SDK1: variants seen among roughly 807,000 people sequenced by gnomAD.
The protein encoded by SDK1 is protein sidekick-1.
In SDK1, 157 loss-of-function variants were observed where a neutral mutation model predicts 245.5. That is an observed-to-expected ratio of 0.64 (90% CI 0.56 to 0.73). The LOEUF is 0.73. Among genes scored for constraint, SDK1 ranks in the 30% least tolerant of loss-of-function variants. The probability of loss-of-function intolerance (pLI) is 0.00; values close to 1 mark genes in which losing one functional copy is unlikely to be tolerated. For missense variants in SDK1, 3,583 were observed against 3,002.3 expected (o/e 1.19, Z -4.52); for synonymous variants, 1,647 against 1,278.5 (o/e 1.29, Z -6.15).
chr7:3,732,566 T>C (rs1242266904), intron 4 of SDK1, among the ~76,000 whole-genome samples: 1 of 152,250 alleles, frequency 6.6e-6, no homozygotes, highest in Non-Finnish European at 1.5e-5. Context: ...ATAATTACAC[T>C]TTTGTTCTCT....
At chr7:3,583,703 C>A (rs1486983504) in intron 1 of SDK1, among the ~76,000 whole-genome samples, 13 of 151,984 alleles carry the variant, frequency 8.6e-5, no homozygotes, top group Admixed American at 8.5e-4. Context: ...GTCCCAGGTG[C>A]CCCCTGAGAG....
chr7:3,855,251 C>G (rs73036457), intron 5 of SDK1, among the ~76,000 whole-genome samples: 4,788 of 151,910 alleles, frequency 0.032, 115 homozygotes, highest in Non-Finnish European at 0.044. Flanking sequence ...AGATGAGCAC[C>G]ACACCAAGAA....
intron 39 of SDK1, among the ~76,000 whole-genome samples, chr7:4,220,515 GTTTTT>G (rs34675135): frequency 1.0e-4 from 14 of 140,538 alleles, no homozygotes; most frequent in African/African-American, 1.9e-4. Context: ...AGTTTTAGTT[GTTTTT>G]TTTTTTTTTT....
At chr7:3,372,504 C>T (rs1378825409) in intron 1 of SDK1, among the ~76,000 whole-genome samples, 1 of 152,216 alleles carries the variant, frequency 6.6e-6, no homozygotes, top group African/African-American at 2.4e-5. Context: ...GCCTCTTACC[C>T]TGTGTAACTA....
At chr7:3,802,663 G>A (rs1213739535) in intron 4 of SDK1, among the ~76,000 whole-genome samples, 1 of 152,084 alleles carries the variant, frequency 6.6e-6, no homozygotes, top group Non-Finnish European at 1.5e-5. Flanking sequence ...TTTTCCATCT[G>A]TACAGTTTTC....
intron 1 of SDK1, among the ~76,000 whole-genome samples, chr7:3,411,043 G>C (rs1280218983): frequency 6.6e-6 from 1 of 152,090 alleles, no homozygotes; most frequent in African/African-American, 2.4e-5. Context: ...TTTAAATCGT[G>C]TAAGAAGAGC....
intron 5 of SDK1, among the ~76,000 whole-genome samples, chr7:3,904,115 A>G (rs1781884871): frequency 6.6e-6 from 1 of 152,228 alleles, no homozygotes; most frequent in Admixed American, 6.5e-5. Flanking sequence ...AAGTAACACA[A>G]AACAGACTGA....
chr7:4,066,636 C>T (rs1779919184), intron 19 of SDK1, among the ~76,000 whole-genome samples: 1 of 152,212 alleles, frequency 6.6e-6, no homozygotes, highest in African/African-American at 2.4e-5. Context: ...TCCTCTCCTC[C>T]CTCCCCATCA....
intron 11 of SDK1, among the ~76,000 whole-genome samples, chr7:3,971,203 G>C (rs141838119): frequency 6.6e-6 from 1 of 152,228 alleles, no homozygotes; most frequent in African/African-American, 2.4e-5. Context: ...TGGGGTGGTC[G>C]GCATTCAGTT....
At position 4,265,399 on chromosome 7, in the gene SDK1, C is replaced by G; in HGVS notation, c.*15C>G. 7.0e-7 allele frequency: 1 copy of G among 1,423,436 alleles called. No homozygotes were observed. The highest frequency in any genetic ancestry group is 9.1e-7 in the Non-Finnish European group (1 of 1,099,020). The allele number at this position is 1,423,436 out of a possible 1,614,324, so 88.2% of individuals were successfully genotyped here. Reference sequence around the variant, plus strand: ...CCTTCGTGTGAGCAAAGCGCCGCGCCTCCCTCAGGGCGGAACGGAGGCAAC... The same window carrying G: ...CCTTCGTGTGAGCAAAGCGCCGCGCGTCCCTCAGGGCGGAACGGAGGCAAC... On this transcript the variant is annotated 3_prime_UTR_variant, in exon 45 of 45. Transcript: ENST00000404826.
chr7:3,879,820 C>T, intron 5 of SDK1, among the ~76,000 whole-genome samples: 1 of 152,176 alleles, frequency 6.6e-6, no homozygotes, highest in East Asian at 1.9e-4. Context: ...GTGATTAAAA[C>T]TATATACAGC....
chr7:3,580,401 G>T (rs1335722377), intron 1 of SDK1, among the ~76,000 whole-genome samples: 1 of 152,068 alleles, frequency 6.6e-6, no homozygotes, highest in Non-Finnish European at 1.5e-5. Flanking sequence ...TATACTGCAG[G>T]GCTACAGTAA....
chr7:3,894,871 T>C (rs1441670676), intron 5 of SDK1, among the ~76,000 whole-genome samples: 5 of 151,752 alleles, frequency 3.3e-5, no homozygotes, highest in Non-Finnish European at 7.4e-5. Flanking sequence ...TTTGTGTCTT[T>C]TAGTAGAGAA....
intron 1 of SDK1, among the ~76,000 whole-genome samples, chr7:3,469,191 G>T (rs1286712362): frequency 3.3e-5 from 5 of 152,148 alleles, no homozygotes; most frequent in Non-Finnish European, 7.4e-5. Context: ...GGGAGGCCAA[G>T]GTGGGAGAAT....
Position 3,619,223 on chromosome 7 carries a change from T to C in SDK1, c.442T>C (p.Tyr148His), listed in dbSNP as rs773298797. 1.2e-6 allele frequency: 2 copies of C among 1,610,752 alleles called. No homozygotes were observed. The highest frequency in any genetic ancestry group is 1.3e-5 in the African/African-American group (1 of 75,012). The change falls in exon 2 of 45, where the codon TAC becomes CAC. Residue 148 changes from tyrosine (Y) to histidine (H), a missense_variant. By Grantham distance (83) the Tyr-to-His change is moderately conservative. Coordinates refer to ENST00000404826, the MANE Select transcript of SDK1 (RefSeq NM_152744.4). ...WMRDDSELTT[Y>H]SSEYKYIIPS... ...GCGCGATGACAGTGAGCTCACCACC[T>C]ACAGCAGCGAATATAAGTAATTGAT... is the stretch of plus-strand genomic sequence containing the variant.
chr7:4,268,045 C>G lies in SDK1; in HGVS notation c.*2661C>G. The G allele has an allele frequency of 1.0e-6, 1 of 985,362 alleles. No individual in the cohort carries two copies. Among genetic ancestry groups the G allele is most frequent in the East Asian group, 1.1e-4 (1 of 8,812 alleles). The allele number at this position is 985,362 out of a possible 1,614,324, so 61.0% of individuals were successfully genotyped here. A position where few individuals can be genotyped will look rare whatever the true frequency, so the allele number is the denominator to read the frequency against. Reference sequence around the variant, plus strand: ...AGGAAGATGGAGGTTGGATTTTAATCTCGGTTTTAAAAAGAGGACAAACAA... The same window carrying G: ...AGGAAGATGGAGGTTGGATTTTAATGTCGGTTTTAAAAAGAGGACAAACAA... On this transcript the variant is annotated 3_prime_UTR_variant, in exon 45 of 45. Coordinates refer to ENST00000404826, the MANE Select transcript of SDK1 (RefSeq NM_152744.4).
intron 1 of SDK1, among the ~76,000 whole-genome samples, chr7:3,540,268 A>G (rs1779015792): frequency 1.3e-5 from 2 of 152,296 alleles, no homozygotes; most frequent in South Asian, 4.1e-4. Flanking sequence ...TTAGCCAGAC[A>G]TGGTTGCAGT....
At chr7:3,814,589 G>A (rs906287974) in intron 4 of SDK1, among the ~76,000 whole-genome samples, 5 of 152,036 alleles carry the variant, frequency 3.3e-5, no homozygotes, top group South Asian at 2.1e-4. Context: ...TTGACTTGGT[G>A]ATGCGGGCTC....
intron 4 of SDK1, among the ~76,000 whole-genome samples, chr7:3,753,824 G>A (rs1216275318): frequency 5.9e-5 from 9 of 152,148 alleles, no homozygotes; most frequent in Admixed American, 5.2e-4. Context: ...CACGTAGCTA[G>A]AATTGAATAC....
Sources: gnomAD v4.1 joint callset for allele counts (sites outside exome capture counted in the v4.1 genomes callset) on GRCh38, gnomAD v4.1.1 for gene constraint, MANE v1.5 for transcripts, NCBI Gene and HGNC (gene_info 2026-07-23, HGNC 2026-07-21) for gene names.